Variants in MAP3K7 observed in about 807,000 individuals in gnomAD.
MAP3K7 encodes the protein mitogen-activated protein kinase kinase kinase 7.
MAP3K7 carries 21 observed loss-of-function variants against 84.8 expected under a neutral mutation model. The observed-to-expected ratio is 0.25, with a 90% CI of 0.18 to 0.36. The LOEUF is 0.36. Among genes scored for constraint, MAP3K7 ranks in the 10% least tolerant of loss-of-function variants. The probability of loss-of-function intolerance (pLI) is 1.00; values close to 1 mark genes in which losing one functional copy is unlikely to be tolerated. For missense variants in MAP3K7, 503 were observed against 747.7 expected (o/e 0.67, Z 3.82); for synonymous variants, 241 against 247.7 (o/e 0.97, Z 0.25).
At chr6:90,529,687 C>A (rs781243595) in intron 13 of MAP3K7, among the ~76,000 whole-genome samples, 5 of 152,112 alleles carry the variant, frequency 3.3e-5, no homozygotes, top group African/African-American at 9.7e-5. Context: ...TGTCTTCACA[C>A]GAGATTTTTT....
intron 13 of MAP3K7, among the ~76,000 whole-genome samples, chr6:90,526,614 A>G (rs866756199): frequency 1.2e-4 from 18 of 152,136 alleles, no homozygotes; most frequent in Middle Eastern, 3.4e-3. Context: ...AAACACTGAC[A>G]ATTTATAAGC....
intron 12 of MAP3K7, among the ~76,000 whole-genome samples, chr6:90,541,089 CT>C (rs1775842011): frequency 6.6e-6 from 1 of 151,746 alleles, no homozygotes; most frequent in Non-Finnish European, 1.5e-5. Context: ...TCTTACTGCC[CT>C]TATTAAAGTC....
At position 90,587,059 on chromosome 6, in the gene MAP3K7, C is replaced by A; in HGVS notation, c.-176G>T. The A allele has an allele frequency of 2.8e-6, 2 of 703,504 alleles. No individual in the cohort carries two copies. Among genetic ancestry groups the A allele is most frequent in the Non-Finnish European group, 4.2e-6 (2 of 476,258 alleles). The allele number at this position is 703,504 out of a possible 1,614,324, so 43.6% of individuals were successfully genotyped here. Reference sequence around the variant, plus strand: ...ACAGCCGTGTCCGGCTCTGGCTCCGCTGCGTTTTCCGCCGACGGGCCCCGC... The same window carrying A: ...ACAGCCGTGTCCGGCTCTGGCTCCGATGCGTTTTCCGCCGACGGGCCCCGC... On this transcript the variant is annotated 5_prime_UTR_variant, in exon 1 of 17. Coordinates refer to ENST00000369329, the MANE Select transcript of MAP3K7 (RefSeq NM_145331.3).
At chr6:90,586,709 A>C in intron 1 of MAP3K7, 55 bp downstream of exon 1, 1 of 1,544,604 alleles carries the variant, frequency 6.5e-7, no homozygotes, top group South Asian at 1.2e-5. Flanking sequence ...GGCACCAGGC[A>C]GAGGCGGGGG....
chr6:90,563,889 C>A (rs926760889), intron 3 of MAP3K7, among the ~76,000 whole-genome samples: 3 of 152,140 alleles, frequency 2.0e-5, no homozygotes, highest in Admixed American at 6.5e-5. Context: ...ACTCTATAAG[C>A]CAGAAGAGAG....
intron 3 of MAP3K7, among the ~76,000 whole-genome samples, chr6:90,563,133 C>T (rs1459551743): frequency 6.6e-6 from 1 of 152,202 alleles, no homozygotes; most frequent in Non-Finnish European, 1.5e-5. Context: ...GAAACCAGAG[C>T]AGAAAAGCTG....
At chr6:90,552,760 T>A (rs1776220313) in intron 7 of MAP3K7, among the ~76,000 whole-genome samples, 1 of 152,226 alleles carries the variant, frequency 6.6e-6, no homozygotes. Flanking sequence ...ACATCATATG[T>A]GGTTAAAAAC....
At chr6:90,544,716 T>C in intron 11 of MAP3K7, 84 bp from the exon 12 acceptor site, 2 of 1,087,926 alleles carry the variant, frequency 1.8e-6, no homozygotes, top group Non-Finnish European at 1.4e-6. Flanking sequence ...AATAGACTCA[T>C]TTTCAAATAG....
intron 2 of MAP3K7, among the ~76,000 whole-genome samples, chr6:90,569,824 G>C (rs1281900036): frequency 2.0e-5 from 3 of 151,908 alleles, no homozygotes; most frequent in African/African-American, 7.3e-5. Context: ...ACTGCTTCTT[G>C]CTCATTCTTT....
At position 90,523,718 on chromosome 6, in the gene MAP3K7, C is replaced by T; in HGVS notation, c.1422G>A (p.Lys474=). Reference sequence around the variant, plus strand: ...GGGTCCATGGATGACTTCGAGTTGGCTTTTCTGAGGTTGGTCCTGAGGTAG... The same window carrying T: ...GGGTCCATGGATGACTTCGAGTTGGTTTTTCTGAGGTTGGTCCTGAGGTAG... ...MITTSGPTSE[K]PTRSHPWTPD... Residue 474 remains lysine (K), a synonymous_variant, in exon 14 of 17, where the codon AAG becomes AAA. Coordinates refer to ENST00000369329, the MANE Select transcript of MAP3K7 (RefSeq NM_145331.3). The T allele has an allele frequency of 6.2e-7, 1 of 1,613,458 alleles. No individual in the cohort carries two copies. The highest frequency in any genetic ancestry group is 8.5e-7 in the Non-Finnish European group (1 of 1,179,604).
Position 90,513,646 on chromosome 6 carries a change from T to G in MAP3K7, c.*2855A>C, listed in dbSNP as rs1582148055. 6.6e-6 allele frequency: 1 copy of G among 152,250 alleles called. No homozygotes were observed. The highest frequency in any genetic ancestry group is 2.1e-4 in the South Asian group (1 of 4,834). The allele number at this position is 152,250 out of a possible 1,614,324, so 9.4% of individuals were successfully genotyped here. ...CTAAAAAGCTTCCTTCAGTTACAAA[T>G]ATGCACAAGAATTTCTGCATTACAT... is the stretch of plus-strand genomic sequence containing the variant. On this transcript the variant is annotated 3_prime_UTR_variant, in exon 17 of 17. Transcript: ENST00000369329.
In MAP3K7 at chr6:90,585,050, A is replaced by G. The variant is rs992113815; in HGVS notation, c.120+1714T>C. Among the ~76,000 whole-genome samples the G allele has an allele frequency of 3.3e-5, 5 of 152,184 alleles. No homozygotes were observed. In the South Asian group the frequency reaches 1.0e-3, roughly 32 times the overall value. On this transcript the variant is annotated intron_variant, in intron 1 of 16. Coordinates refer to ENST00000369329, the MANE Select transcript of MAP3K7 (RefSeq NM_145331.3). ...TTCCTCTCTGGAACTAGGTTTCCTA[A>G]TATGTGTCAGGCCCTGTGGTAGGTG...
chr6:90,576,398 G>C (rs1777077720), intron 1 of MAP3K7, among the ~76,000 whole-genome samples: 1 of 149,212 alleles, frequency 6.7e-6, no homozygotes, highest in African/African-American at 2.5e-5. Context: ...ACTCCAGCCT[G>C]GGCAACAGAG....
intron 1 of MAP3K7, 86 bp from the exon 2 acceptor site, chr6:90,571,893 G>T: frequency 1.1e-5 from 6 of 551,210 alleles, no homozygotes; most frequent in Non-Finnish European, 1.8e-5. Flanking sequence ...AAAAACTAAA[G>T]TCAATCTTTA....
At chr6:90,518,316 G>A in intron 16 of MAP3K7, 131 bp downstream of exon 16, 1 of 581,550 alleles carries the variant, frequency 1.7e-6, no homozygotes, top group South Asian at 2.3e-5. Context: ...GTAAAAGGGT[G>A]CTTAAAGCTT....
chr6:90,582,880 C>CTTTTTTTTTT (rs535938524), intron 1 of MAP3K7, among the ~76,000 whole-genome samples: 4 of 129,148 alleles, frequency 3.1e-5, no homozygotes, highest in Non-Finnish European at 3.3e-5. Context: ...CTTCTATCAT[C>CTTTTTTTTTT]TTTTTTTTTT....
At chr6:90,535,941 A>G (rs981586816) in intron 13 of MAP3K7, among the ~76,000 whole-genome samples, 6 of 152,214 alleles carry the variant, frequency 3.9e-5, no homozygotes, top group Admixed American at 2.0e-4. Flanking sequence ...CTAGAGGAGT[A>G]GCAACTTATT....
Position 90,520,787 on chromosome 6 carries a change from C to T in MAP3K7, c.1463-1468G>A, listed in dbSNP as rs1003528415. On this transcript the variant is annotated intron_variant, in intron 14 of 16. Coordinates refer to ENST00000369329, the MANE Select transcript of MAP3K7 (RefSeq NM_145331.3). ...TTATTTCTCTGACCAACTCTTCTCCCACCCCAACAGTGGTTTCAAACTACG... is the reference window on the plus strand; with the variant it reads ...TTATTTCTCTGACCAACTCTTCTCCTACCCCAACAGTGGTTTCAAACTACG... Among the ~76,000 whole-genome samples, 6 of 152,134 alleles carry T rather than the reference C, an allele frequency of 3.9e-5. No homozygotes were observed. In the South Asian group the frequency reaches 1.0e-3, roughly 26 times the overall value.
At chr6:90,526,798 G>GT (rs1462939251) in intron 13 of MAP3K7, among the ~76,000 whole-genome samples, 25 of 152,042 alleles carry the variant, frequency 1.6e-4, no homozygotes, top group African/African-American at 5.3e-4. Context: ...GGTTTTACAG[G>GT]TAAGTTCTAT....
Sources: allele counts gnomAD v4.1 joint callset (sites outside exome capture counted in the v4.1 genomes callset), GRCh38; gene constraint gnomAD v4.1.1; transcripts MANE v1.5; gene names NCBI Gene and HGNC (gene_info 2026-07-23, HGNC 2026-07-21).